The following GPN1 variants were observed in gnomAD, a reference collection of about 807,000 sequenced individuals.
GPN1 encodes the protein GPN-loop GTPase 1.
A neutral mutation model predicts 55.9 loss-of-function variants in GPN1; 44 were observed. The observed-to-expected ratio is 0.79, with a 90% CI of 0.62 to 1.01. The LOEUF (loss-of-function observed/expected upper bound fraction) is 1.01. Among genes scored for constraint, GPN1 ranks in the 50% least tolerant of loss-of-function variants. GPN1 has a pLI of 0.00. For missense variants in GPN1, 466 were observed against 462.8 expected (o/e 1.01, Z -0.06); for synonymous variants, 179 against 162.5 (o/e 1.10, Z -0.77).
upstream of GPN1, chr2:27,629,026 C>G: frequency 6.2e-7 from 1 of 1,613,864 alleles, no homozygotes; most frequent in Non-Finnish European, 8.5e-7. Flanking sequence ...CATGCGGTGT[C>G]TCTATGGTCG....
chr2:27,636,077 A>T (rs1181610435), intron 7 of GPN1, among the ~76,000 whole-genome samples: 1 of 151,500 alleles, frequency 6.6e-6, no homozygotes, highest in African/African-American at 2.4e-5. Context: ...TTAGCCAGGG[A>T]TGGTGGTGTG....
intron 5 of GPN1, among the ~76,000 whole-genome samples, chr2:27,633,493 T>G (rs572533544): frequency 5.3e-5 from 8 of 152,144 alleles, no homozygotes; most frequent in Admixed American, 2.6e-4. Flanking sequence ...TTTGTATTTT[T>G]GGGATGGAGT....
rs1344111128 is a variant in GPN1 at position 27,641,364 on chromosome 2, G to T, written c.840+85G>T. On this transcript the variant is annotated intron_variant, in intron 11 of 13. Transcript: ENST00000610189. ...TTGATGACATAAGTGCTTTTGTTTT[G>T]GTTATTAATGTATCTTTTATTTAAT... 1.1e-5 allele frequency: 10 copies of T among 909,260 alleles called. No homozygotes were observed. In the Admixed American group the frequency reaches 1.8e-4, roughly 16 times the overall value. The allele number at this position is 909,260 out of a possible 1,614,324, so 56.3% of individuals were successfully genotyped here.
intron 9 of GPN1, among the ~76,000 whole-genome samples, chr2:27,639,232 GAGA>G (rs1265701704): frequency 6.6e-6 from 1 of 152,218 alleles, no homozygotes. Flanking sequence ...CTATTTGGGA[GAGA>G]AGGCTACACA....
chr2:27,648,726 C>G (rs12474585), intron 13 of GPN1, among the ~76,000 whole-genome samples: 1 of 151,996 alleles, frequency 6.6e-6, no homozygotes, highest in East Asian at 1.9e-4. Flanking sequence ...ACCGCTGCCT[C>G]CCGGGTTCAA....
chr2:27,632,730 T>C (rs375881053), intron 5 of GPN1, 60 bp downstream of exon 5: 15 of 1,081,024 alleles, frequency 1.4e-5, no homozygotes, highest in African/African-American at 1.2e-4. Flanking sequence ...CTAGGCTTCA[T>C]GGAGGATCTG....
At position 27,643,611 on chromosome 2, in the gene GPN1, T is replaced by C. The variant is rs576344627; in HGVS notation, c.931+1092T>C. Among the ~76,000 whole-genome samples, 5 of 152,220 alleles carry C rather than the reference T, an allele frequency of 3.3e-5. No homozygotes were observed. The highest frequency in any genetic ancestry group is 7.3e-5 in the Non-Finnish European group (5 of 68,038). On this transcript the variant is annotated intron_variant, in intron 12 of 13. Transcript: ENST00000610189. The surrounding 1 kb of genome is among the most constrained non-coding windows in gnomAD (Gnocchi z 4.0). Reference sequence around the variant, plus strand: ...CATTGTATTTAATTCTCACATGCCTTATACTCCTTTAGAATCTGGAACAGT... The same window carrying C: ...CATTGTATTTAATTCTCACATGCCTCATACTCCTTTAGAATCTGGAACAGT...
intron 12 of GPN1, among the ~76,000 whole-genome samples, chr2:27,645,973 G>C (rs937331139): frequency 1.3e-5 from 2 of 151,924 alleles, no homozygotes; most frequent in South Asian, 4.2e-4. Flanking sequence ...CAAGTGATCT[G>C]CCCACCTCAG....
Position 27,643,475 on chromosome 2 carries a change from T to TA in GPN1, c.931+957dup, listed in dbSNP as rs1318345399. 6.6e-6 allele frequency among the ~76,000 whole-genome samples: 1 copy of TA among 152,186 alleles called. No homozygotes were observed. The highest frequency in any genetic ancestry group is 1.5e-5 in the Non-Finnish European group (1 of 68,036). On this transcript the variant is annotated intron_variant, in intron 12 of 13. Transcript: ENST00000610189. This position sits in a 1 kb window ranked among gnomAD's most constrained non-coding sequence, Gnocchi z 4.0. ...TAATTTTATATAACCTCAGTGCAGTTATCAGAAATCAGGAAATTAACATTG... is the reference window on the plus strand; with the variant it reads ...TAATTTTATATAACCTCAGTGCAGTTAATCAGAAATCAGGAAATTAACATTG...
chr2:27,645,210 GTCC>G (rs1674167456), intron 12 of GPN1, among the ~76,000 whole-genome samples: 1 of 152,054 alleles, frequency 6.6e-6, no homozygotes, highest in Non-Finnish European at 1.5e-5. Context: ...GCCTCAGGCA[GTCC>G]TCCTGTCTTG....
chr2:27,629,352 G>A (rs1483026887), intron 1 of GPN1, 183 bp downstream of exon 1: 5 of 1,542,708 alleles, frequency 3.2e-6, no homozygotes, highest in Non-Finnish European at 4.4e-6. Flanking sequence ...GGTTAATTAA[G>A]GCTCTCTTCT....
chr2:27,632,528 G>A (rs1673593771), intron 4 of GPN1, 105 bp from the exon 5 acceptor site: 14 of 772,376 alleles, frequency 1.8e-5, no homozygotes, highest in South Asian at 1.7e-4. Context: ...GGTGATTGAG[G>A]GATTCAGTAG....
At chr2:27,636,149 A>G (rs777788579) in intron 7 of GPN1, among the ~76,000 whole-genome samples, 22 of 152,264 alleles carry the variant, frequency 1.4e-4, no homozygotes, top group Admixed American at 5.9e-4. Context: ...CTGGGAGGCC[A>G]AGGTTGGAGT....
At chr2:27,629,283 C>G (rs1194415510) in intron 1 of GPN1, 114 bp downstream of exon 1, 5 of 1,442,322 alleles carry the variant, frequency 3.5e-6, no homozygotes, top group Non-Finnish European at 4.8e-6. Flanking sequence ...GCATGGCTTT[C>G]GGGGGCTTCC....
In GPN1 at chr2:27,638,943, A is replaced by G; in HGVS notation, c.629A>G (p.Gln210Arg). 6.2e-7 allele frequency: 1 copy of G among 1,613,620 alleles called. No homozygotes were observed. Among genetic ancestry groups the G allele is most frequent in the Non-Finnish European group, 8.5e-7 (1 of 1,179,520 alleles). Reference protein sequence around the residue: ...VEWMQDFEAFQDALNQETTYV... With the variant: ...VEWMQDFEAFRDALNQETTYV... ...TGGATGCAGGATTTTGAGGCTTTCC[A>G]AGATGCCTTGAATCAAGAGACTACA... The change falls in exon 9 of 14, where the codon CAA becomes CGA. Residue 210 changes from glutamine to arginine, a missense_variant. Transcript: ENST00000610189.
At chr2:27,647,807 C>T (rs763869500) in intron 12 of GPN1, 29 bp from the exon 13 acceptor site, 6 of 1,266,126 alleles carry the variant, frequency 4.7e-6, no homozygotes, top group Non-Finnish European at 6.9e-6. Flanking sequence ...TTTGAGGAGG[C>T]ATATCACTGA....
intron 12 of GPN1, among the ~76,000 whole-genome samples, chr2:27,642,956 T>TACACACACACACACAC (rs764872511): frequency 0.024 from 2,068 of 85,470 alleles, 26 homozygotes; most frequent in East Asian, 0.088. Context: ...TATATATATA[T>TACACACACACACACAC]ATACACACAC....
At chr2:27,628,415 C>G (rs1487304056), upstream of GPN1, 13 of 1,551,566 alleles carry the variant, frequency 8.4e-6, no homozygotes, top group Non-Finnish European at 1.1e-5. Context: ...AAGCATTCAT[C>G]CTGAAGGTCA....
rs747770976 is a variant in GPN1 at position 27,650,134 on chromosome 2, A to G, written c.1059A>G (p.Glu353=). Residue 353 remains glutamate (E), a synonymous_variant, in exon 14 of 14, where the codon GAA becomes GAG. Transcript: ENST00000610189. ...TTGCAGTTACAGAGGAAAGCCATGAAGAGCCAGCATTCCAGAATTTTATGC... is the reference window on the plus strand; with the variant it reads ...TTGCAGTTACAGAGGAAAGCCATGAGGAGCCAGCATTCCAGAATTTTATGC... ...IDHRVTEESH[E]EPAFQNFMQE... The G allele has an allele frequency of 3.1e-6, 5 of 1,602,798 alleles. No homozygotes were observed. The highest frequency in any genetic ancestry group is 3.4e-6 in the Non-Finnish European group (4 of 1,169,694).
Sources: gnomAD v4.1 joint callset for allele counts (sites outside exome capture counted in the v4.1 genomes callset) on GRCh38, gnomAD v4.1.1 for gene constraint, Gnocchi (gnomAD v3.1) non-coding constraint, MANE v1.5 for transcripts, NCBI Gene and HGNC (gene_info 2026-07-23, HGNC 2026-07-21) for gene names.